KCNAB2: variants seen among roughly 807,000 people sequenced by gnomAD.
The protein encoded by KCNAB2 is potassium voltage-gated channel subfamily A regulatory beta subunit 2.
A neutral mutation model predicts 63.6 loss-of-function variants in KCNAB2; 29 were observed. The ratio of observed to expected loss-of-function variants is 0.46; its 90% confidence interval spans 0.34 to 0.62. The LOEUF (loss-of-function observed/expected upper bound fraction) is 0.62, where lower values mean the gene tolerates loss of function less well. Ranked by LOEUF, KCNAB2 falls within the 20% of genes least tolerant of loss-of-function variation. KCNAB2 has a pLI of 0.01. For missense variants in KCNAB2, 359 were observed against 563.9 expected (o/e 0.64, Z 3.68); for synonymous variants, 222 against 224.2 (o/e 0.99, Z 0.09).
rs1665913417 is a variant in KCNAB2 at position 6,099,854 on chromosome 1, G to A, written c.*1280G>A. 1 of 1,547,980 alleles carries A rather than the reference G, an allele frequency of 6.5e-7. No individual in the cohort carries two copies. Among genetic ancestry groups the A allele is most frequent in the Non-Finnish European group, 8.7e-7 (1 of 1,145,744 alleles). ...GGGAGAGAGGGCAGGACAGGCCAGA[G>A]TGACGCCCCCGTGCAGCTTGGGCCG... On this transcript the variant is annotated 3_prime_UTR_variant, in exon 16 of 16. Coordinates refer to ENST00000378083, the MANE Select transcript of KCNAB2 (RefSeq NM_001199862.2).
intron 1 of KCNAB2, among the ~76,000 whole-genome samples, chr1:6,012,198 G>A (rs1335248212): frequency 1.3e-5 from 2 of 150,962 alleles, no homozygotes; most frequent in African/African-American, 2.4e-5. Flanking sequence ...AGGTAATGGT[G>A]GAGGTGATGA....
At chr1:6,081,570 AC>A (rs1664212668) in intron 4 of KCNAB2, among the ~76,000 whole-genome samples, 1 of 151,934 alleles carries the variant, frequency 6.6e-6, no homozygotes, top group Admixed American at 6.5e-5. Flanking sequence ...GAGGTCTGAT[AC>A]CAAGGTGTTG....
intron 2 of KCNAB2, among the ~76,000 whole-genome samples, chr1:6,052,969 C>G (rs1247526457): frequency 1.3e-5 from 2 of 152,152 alleles, no homozygotes; most frequent in African/African-American, 4.8e-5. Flanking sequence ...TCTGCGTGCT[C>G]TGTGCAGAGT....
intron 15 of KCNAB2, 33 bp downstream of exon 15, chr1:6,097,390 C>G: frequency 6.5e-7 from 1 of 1,549,406 alleles, no homozygotes; most frequent in East Asian, 2.4e-5. Flanking sequence ...GGCAGAGGGC[C>G]CATCCCAGCC....
At chr1:6,042,848 C>CA (rs1051999478), upstream of KCNAB2, among the ~76,000 whole-genome samples, 20 of 106,978 alleles carry the variant, frequency 1.9e-4, 1 homozygote, top group East Asian at 1.3e-3. Context: ...TCCCCACCCC[C>CA]CCCCCCGTTT....
At position 6,074,439 on chromosome 1, in the gene KCNAB2, A is replaced by G; in HGVS notation, c.300+669A>G. ...GTGTGCTTCTGGACAGTGAGGCAGC[A>G]TCTCAGAAATGAGAGCAGTGGCATT... On this transcript the variant is annotated intron_variant, in intron 4 of 15. Transcript: ENST00000378083. This position sits in a 1 kb window ranked among gnomAD's most constrained non-coding sequence, Gnocchi z 4.9. 6.6e-6 allele frequency among the ~76,000 whole-genome samples: 1 copy of G among 152,254 alleles called. No individual in the cohort carries two copies. Among genetic ancestry groups the G allele is most frequent in the Non-Finnish European group, 1.5e-5 (1 of 68,052 alleles).
intron 4 of KCNAB2, among the ~76,000 whole-genome samples, chr1:6,077,758 G>A (rs947890473): frequency 6.6e-6 from 1 of 152,270 alleles, no homozygotes; most frequent in African/African-American, 2.4e-5. Flanking sequence ...TCAGGCTTGC[G>A]GAGCCCCTGC....
Position 6,083,087 on chromosome 1 carries a change from G to T in KCNAB2, c.380+813G>T, listed in dbSNP as rs376182160. On this transcript the variant is annotated intron_variant, in intron 5 of 15. Coordinates refer to ENST00000378083, the MANE Select transcript of KCNAB2 (RefSeq NM_001199862.2). ...GGAGCGCACAGCCCTGGGGGCTGCCGCTGGGACCCTCAAACCGCCTCCAGC... is the reference window on the plus strand; with the variant it reads ...GGAGCGCACAGCCCTGGGGGCTGCCTCTGGGACCCTCAAACCGCCTCCAGC... Among the ~76,000 whole-genome samples, 40 of 152,216 alleles carry T rather than the reference G, an allele frequency of 2.6e-4. 3 individuals carry two copies. The South Asian group carries it at 8.3e-3, about 32-fold the overall frequency.
chr1:6,047,932 C>T (rs1378779736), intron 1 of KCNAB2, among the ~76,000 whole-genome samples: 1 of 152,250 alleles, frequency 6.6e-6, no homozygotes, highest in African/African-American at 2.4e-5. Flanking sequence ...AGGCTCTGGG[C>T]TCCCTCCGTG....
In KCNAB2 at chr1:6,069,236, C is replaced by A. The variant is rs752438435; in HGVS notation, c.219-3519C>A. On this transcript the variant is annotated intron_variant, in intron 2 of 15. Coordinates refer to ENST00000378083, the MANE Select transcript of KCNAB2 (RefSeq NM_001199862.2). This position sits in a 1 kb window ranked among gnomAD's most constrained non-coding sequence, Gnocchi z 5.4. ...AGGAGCCACCCCATGTGCCTTCCTC[C>A]GCAACCAGCTAGCCAAGGCCACGGT... is the stretch of plus-strand genomic sequence containing the variant. 6.6e-6 allele frequency among the ~76,000 whole-genome samples: 1 copy of A among 152,194 alleles called. No homozygotes were observed. The highest frequency in any genetic ancestry group is 1.5e-5 in the Non-Finnish European group (1 of 68,034).
At chr1:6,043,643 A>C (rs1000951944), upstream of KCNAB2, among the ~76,000 whole-genome samples, 1 of 152,052 alleles carries the variant, frequency 6.6e-6, no homozygotes, top group Non-Finnish European at 1.5e-5. Flanking sequence ...GCTGGGGGCC[A>C]CTCCTAGTAG....
intron 2 of KCNAB2, among the ~76,000 whole-genome samples, chr1:6,057,554 C>T (rs1480551193): frequency 1.3e-5 from 2 of 152,122 alleles, no homozygotes; most frequent in East Asian, 3.9e-4. Flanking sequence ...GGAACGGGGT[C>T]CATCTTGGGA....
intron 1 of KCNAB2, among the ~76,000 whole-genome samples, chr1:6,009,438 T>C (rs1284787685): frequency 6.6e-6 from 1 of 152,190 alleles, no homozygotes; most frequent in East Asian, 1.9e-4. Flanking sequence ...TGCACACACC[T>C]GCACACACAC....
rs1469285905 is a variant in KCNAB2, at chr1:6,024,306, G to C, written c.-52-16211G>C. On this transcript the variant is annotated intron_variant, in intron 1 of 16. Transcript: ENST00000341524. This position sits in a 1 kb window ranked among gnomAD's most constrained non-coding sequence, Gnocchi z 5.4. ...TCACTATGTTGCCCAGACTGGTCTC[G>C]AACTCCTGGCCTCAAGCAATCCTCC... is the stretch of plus-strand genomic sequence containing the variant. 6.6e-6 allele frequency among the ~76,000 whole-genome samples: 1 copy of C among 151,872 alleles called. No homozygotes were observed. The highest frequency in any genetic ancestry group is 6.6e-5 in the Admixed American group (1 of 15,248).
intron 1 of KCNAB2, among the ~76,000 whole-genome samples, chr1:5,998,309 G>T (rs1657047929): frequency 1.3e-5 from 2 of 152,242 alleles, no homozygotes; most frequent in Non-Finnish European, 2.9e-5. Flanking sequence ...AAGCTTTTCT[G>T]GCTGGGTCCA....
intron 4 of KCNAB2, among the ~76,000 whole-genome samples, chr1:6,079,094 C>T (rs1353063954): frequency 6.6e-6 from 1 of 152,170 alleles, no homozygotes; most frequent in Non-Finnish European, 1.5e-5. Context: ...AAGGAGGGCT[C>T]CCCAGGGTTT....
At chr1:6,066,433 T>G (rs1300961544) in intron 2 of KCNAB2, among the ~76,000 whole-genome samples, 1 of 152,304 alleles carries the variant, frequency 6.6e-6, no homozygotes, top group East Asian at 1.9e-4. Flanking sequence ...GCTTAGTGCT[T>G]GGTAGATGAT....
chr1:6,056,700 A>C (rs902014007), intron 2 of KCNAB2, among the ~76,000 whole-genome samples: 4 of 152,172 alleles, frequency 2.6e-5, no homozygotes, highest in African/African-American at 4.8e-5. Context: ...CCTCCCGCTC[A>C]GGAGGCTCTG....
rs1285248033 is a variant in KCNAB2, at chr1:6,024,249, T to C, written c.-52-16268T>C. On this transcript the variant is annotated intron_variant, in intron 1 of 16. Transcript: ENST00000341524. The surrounding 1 kb of genome is among the most constrained non-coding windows in gnomAD (Gnocchi z 5.4). ...GAGACACCATGCCCAGCTGCCAGGC[T>C]AATTTTTAAATTTTTTGTTAGAGAT... 6.6e-6 allele frequency among the ~76,000 whole-genome samples: 1 copy of C among 152,078 alleles called. No individual in the cohort carries two copies. The highest frequency in any genetic ancestry group is 1.5e-5 in the Non-Finnish European group (1 of 68,024).
Sources: allele counts gnomAD v4.1 joint callset (sites outside exome capture counted in the v4.1 genomes callset), GRCh38; gene constraint gnomAD v4.1.1; non-coding constraint Gnocchi (gnomAD v3.1); transcripts MANE v1.5; gene names NCBI Gene and HGNC (gene_info 2026-07-23, HGNC 2026-07-21).